SPOCK1: variants seen among roughly 807,000 people sequenced by gnomAD.
SPOCK1 encodes the protein SPARC (osteonectin), cwcv and kazal like domains proteoglycan 1.
Under a neutral mutation model 55.3 loss-of-function variants are expected in SPOCK1, and 23 were observed. The observed-to-expected ratio is 0.42, with a 90% CI of 0.30 to 0.59. The LOEUF is 0.59. Ranked by LOEUF, SPOCK1 falls within the 20% of genes least tolerant of loss-of-function variation. SPOCK1 has a pLI of 0.22. For synonymous variants in SPOCK1, 226 were observed against 221.0 expected, an observed-to-expected ratio of 1.02 and a Z score of -0.20; for missense variants, 499 against 552.5, an observed-to-expected ratio of 0.90 and a Z score of 0.97.
intron 2 of SPOCK1, among the ~76,000 whole-genome samples, chr5:137,305,657 CCGCT>C: frequency 6.6e-6 from 1 of 152,324 alleles, no homozygotes; most frequent in East Asian, 1.9e-4. Flanking sequence ...ATTATGATCT[CCGCT>C]GTAAAAACAC....
At chr5:137,459,467 A>G (rs1317356161) in intron 2 of SPOCK1, among the ~76,000 whole-genome samples, 1 of 96,958 alleles carries the variant, frequency 1.0e-5, no homozygotes, top group Non-Finnish European at 2.1e-5. Context: ...TTTTTTTTTA[A>G]TTCATTGCTC....
In SPOCK1 at chr5:137,267,480, TGTG is replaced by T. The variant is rs59624637; in HGVS notation, c.187-428_187-426del. 6.5e-3 allele frequency among the ~76,000 whole-genome samples: 990 copies of T among 152,330 alleles called. 19 individuals are homozygous for T. The highest frequency in any genetic ancestry group is 0.022 in the African/African-American group (929 of 41,564). ...TTCTTTTACATACAGACACGCATCT[TGTG>T]GTGCACAGTTCCAGTTTTTCAATAC... On this transcript the variant is annotated intron_variant, in intron 2 of 10. Coordinates refer to ENST00000394945, the MANE Select transcript of SPOCK1 (RefSeq NM_004598.4).
At chr5:136,983,149 T>G (rs1472416834) in intron 9 of SPOCK1, among the ~76,000 whole-genome samples, 1 of 152,216 alleles carries the variant, frequency 6.6e-6, no homozygotes. Context: ...CACTGTAGCT[T>G]TCTATGCCCT....
At chr5:137,368,906 T>C (rs1342929307) in intron 2 of SPOCK1, among the ~76,000 whole-genome samples, 1 of 152,204 alleles carries the variant, frequency 6.6e-6, no homozygotes, top group Non-Finnish European at 1.5e-5. Flanking sequence ...AGCAGCGGGG[T>C]TCGTGCAGCA....
chr5:136,992,727 G>A (rs1009623819), intron 6 of SPOCK1, 127 bp from the exon 7 acceptor site: 25 of 626,402 alleles, frequency 4.0e-5, no homozygotes, highest in African/African-American at 3.3e-4. Flanking sequence ...GTTACCTCAC[G>A]TGGAAAACAC....
chr5:137,378,315 C>T (rs138242213), intron 2 of SPOCK1, among the ~76,000 whole-genome samples: 1 of 152,296 alleles, frequency 6.6e-6, no homozygotes, highest in African/African-American at 2.4e-5. Context: ...CTTGAGTTCT[C>T]ACAGCTTTAC....
intron 4 of SPOCK1, among the ~76,000 whole-genome samples, chr5:137,119,340 G>C: frequency 6.6e-6 from 1 of 152,210 alleles, no homozygotes; most frequent in Non-Finnish European, 1.5e-5. Context: ...ACAAAATAAT[G>C]AATGTTAATT....
chr5:137,477,073 A>G (rs1753851290), intron 2 of SPOCK1, among the ~76,000 whole-genome samples: 1 of 152,244 alleles, frequency 6.6e-6, no homozygotes, highest in African/African-American at 2.4e-5. Context: ...AAAACTAAAA[A>G]CAGTCCAAAT....
chr5:137,498,909 G>A (rs1435004603), intron 1 of SPOCK1, among the ~76,000 whole-genome samples: 1 of 936 alleles, frequency 1.1e-3, no homozygotes, highest in Non-Finnish European at 4.5e-3. Context: ...CACTCCCACA[G>A]ACGGTGCGGT....
chr5:137,472,278 C>G (rs1241916144), intron 2 of SPOCK1, among the ~76,000 whole-genome samples: 1 of 152,000 alleles, frequency 6.6e-6, no homozygotes, highest in African/African-American at 2.4e-5. Flanking sequence ...CCCCATCACA[C>G]TATCTTCTCT....
intron 2 of SPOCK1, among the ~76,000 whole-genome samples, chr5:137,396,187 G>A (rs1751843773): frequency 6.6e-6 from 1 of 151,960 alleles, no homozygotes; most frequent in Non-Finnish European, 1.5e-5. Flanking sequence ...CAAATTTCCT[G>A]GGATAAAAAA....
At chr5:137,034,364 A>C (rs1185148822) in intron 6 of SPOCK1, among the ~76,000 whole-genome samples, 1 of 152,122 alleles carries the variant, frequency 6.6e-6, no homozygotes, top group Non-Finnish European at 1.5e-5. Context: ...CACCAAGATG[A>C]CCTCATGCAG....
rs557247295 is a variant in SPOCK1 at position 137,227,059 on chromosome 5, G to A, written c.232+39951C>T. On this transcript the variant is annotated intron_variant, in intron 3 of 10. Transcript: ENST00000394945. Reference sequence around the variant, plus strand: ...AATTTTGACTGAGGATTTCTAACAAGGGATTTGTGACAAGGGGACAAAACA... The same window carrying A: ...AATTTTGACTGAGGATTTCTAACAAAGGATTTGTGACAAGGGGACAAAACA... 8.1e-4 allele frequency among the ~76,000 whole-genome samples: 124 copies of A among 152,304 alleles called. 1 individual carries two copies. The Middle Eastern group carries it at 0.017, about 21-fold the overall frequency.
chr5:137,432,289 G>A (rs1421147372), intron 2 of SPOCK1, among the ~76,000 whole-genome samples: 1 of 152,190 alleles, frequency 6.6e-6, no homozygotes, highest in Non-Finnish European at 1.5e-5. Context: ...AGGGACTGGA[G>A]AAGATATCTG....
At chr5:137,354,724 C>T (rs915594129) in intron 2 of SPOCK1, among the ~76,000 whole-genome samples, 7 of 152,222 alleles carry the variant, frequency 4.6e-5, no homozygotes, top group Admixed American at 2.6e-4. Flanking sequence ...TCTCAGCCAC[C>T]AAAATGTAAC....
intron 6 of SPOCK1, among the ~76,000 whole-genome samples, chr5:137,012,989 T>A (rs911940953): frequency 6.6e-6 from 1 of 152,202 alleles, no homozygotes; most frequent in Non-Finnish European, 1.5e-5. Flanking sequence ...TACAAAAGCA[T>A]CTATGATTTG....
chr5:136,983,619 CAAA>C (rs11364379), intron 9 of SPOCK1, among the ~76,000 whole-genome samples: 27 of 135,320 alleles, frequency 2.0e-4, no homozygotes, highest in Admixed American at 3.0e-4. Context: ...CTCCTTGGAC[CAAA>C]AAAAAAAAAA....
intron 2 of SPOCK1, among the ~76,000 whole-genome samples, chr5:137,435,055 A>G (rs1056525935): frequency 2.0e-5 from 3 of 152,244 alleles, no homozygotes; most frequent in Non-Finnish European, 2.9e-5. Flanking sequence ...GTCATTTCTA[A>G]GCTTACATAC....
At chr5:137,330,343 C>T (rs1410020815) in intron 2 of SPOCK1, among the ~76,000 whole-genome samples, 2 of 152,146 alleles carry the variant, frequency 1.3e-5, no homozygotes, top group African/African-American at 2.4e-5. Flanking sequence ...CCACCAGCTT[C>T]GGCCAAAATG....
Sources: gnomAD v4.1 joint callset for allele counts (sites outside exome capture counted in the v4.1 genomes callset) on GRCh38, gnomAD v4.1.1 for gene constraint, MANE v1.5 for transcripts, NCBI Gene and HGNC (gene_info 2026-07-23, HGNC 2026-07-21) for gene names.